The following FOXP2 variants were observed in gnomAD, a reference collection of about 807,000 sequenced individuals.
FOXP2 encodes the protein forkhead box protein P2.
A neutral mutation model predicts 115.8 loss-of-function variants in FOXP2; 12 were observed. That is an observed-to-expected ratio of 0.10 (90% CI 0.07 to 0.17). FOXP2 has a LOEUF of 0.17. Among genes scored for constraint, FOXP2 ranks in the 10% least tolerant of loss-of-function variants. The pLI, the probability that FOXP2 is intolerant of heterozygous loss-of-function variation, is 1.00. For synonymous variants in FOXP2, 328 were observed against 297.7 expected (o/e 1.10, Z -1.05); for missense variants, 629 against 843.5 (o/e 0.75, Z 3.15).
At position 114,575,279 on chromosome 7, in the gene FOXP2, C is replaced by T. The variant is rs1344822212; in HGVS notation, c.258+40573C>T. Among the ~76,000 whole-genome samples, 6 of 151,706 alleles carry T rather than the reference C, an allele frequency of 4.0e-5. 1 individual carries two copies. ...TATGATAACCCTAAAAAGTACTTACCATAATGACTAACACATAGTAAACAT... is the reference window on the plus strand; with the variant it reads ...TATGATAACCCTAAAAAGTACTTACTATAATGACTAACACATAGTAAACAT... On this transcript the variant is annotated intron_variant, in intron 3 of 16. Coordinates refer to ENST00000350908, the MANE Select transcript of FOXP2 (RefSeq NM_014491.4).
intron 1 of FOXP2, among the ~76,000 whole-genome samples, chr7:114,126,165 G>T (rs1258198318): frequency 6.6e-6 from 1 of 152,080 alleles, no homozygotes; most frequent in Non-Finnish European, 1.5e-5. Context: ...CCAGCAGCCT[G>T]TAGGGATATT....
intron 1 of FOXP2, among the ~76,000 whole-genome samples, chr7:114,177,834 G>A (rs1361750368): frequency 2.0e-5 from 3 of 151,796 alleles, no homozygotes; most frequent in East Asian, 1.9e-4. Context: ...TGTTCTCTTA[G>A]CAATTTTCAT....
chr7:114,271,671 A>G (rs1796051131), intron 1 of FOXP2, among the ~76,000 whole-genome samples: 1 of 118,318 alleles, frequency 8.5e-6, no homozygotes, highest in African/African-American at 3.5e-5. Flanking sequence ...TAAATATATT[A>G]TTTAAAATTA....
chr7:114,318,556 T>C (rs2129181131), intron 2 of FOXP2, among the ~76,000 whole-genome samples: 1 of 152,104 alleles, frequency 6.6e-6, no homozygotes, highest in African/African-American at 2.4e-5. Flanking sequence ...AAAATTACTG[T>C]TTCAGGTACA....
intron 2 of FOXP2, among the ~76,000 whole-genome samples, chr7:114,318,001 A>C (rs1022872043): frequency 6.6e-6 from 1 of 151,916 alleles, no homozygotes; most frequent in African/African-American, 2.4e-5. Context: ...TGTCACTTTC[A>C]CCATAAGGGC....
At chr7:114,650,741 C>T (rs1806202345) in intron 8 of FOXP2, among the ~76,000 whole-genome samples, 1 of 151,844 alleles carries the variant, frequency 6.6e-6, no homozygotes, top group South Asian at 2.1e-4. Flanking sequence ...GTGGAAGTGC[C>T]TCCCCTGCAC....
At chr7:114,491,760 C>T (rs1293379396) in intron 2 of FOXP2, among the ~76,000 whole-genome samples, 2 of 152,106 alleles carry the variant, frequency 1.3e-5, no homozygotes. Context: ...AGGGATGAAG[C>T]CCACTTGATC....
intron 1 of FOXP2, among the ~76,000 whole-genome samples, chr7:114,213,615 G>A (rs1794412443): frequency 6.6e-6 from 1 of 151,988 alleles, no homozygotes; most frequent in Admixed American, 6.6e-5. Context: ...ATAGCAATTT[G>A]AATTTGTCAT....
chr7:114,355,623 C>G (rs987514016), intron 2 of FOXP2, among the ~76,000 whole-genome samples: 1 of 151,948 alleles, frequency 6.6e-6, no homozygotes, highest in Non-Finnish European at 1.5e-5. Flanking sequence ...TGCTTCTTAT[C>G]TGTAGCAAGT....
At chr7:114,104,680 A>G (rs1368900506) in intron 1 of FOXP2, among the ~76,000 whole-genome samples, 1 of 152,060 alleles carries the variant, frequency 6.6e-6, no homozygotes, top group Non-Finnish European at 1.5e-5. Flanking sequence ...AGTAAAAGTT[A>G]AAGTAAACTT....
intron 2 of FOXP2, among the ~76,000 whole-genome samples, chr7:114,362,499 TG>T (rs1214356003): frequency 6.6e-6 from 1 of 152,058 alleles, no homozygotes; most frequent in East Asian, 1.9e-4. Flanking sequence ...AAACAACTTA[TG>T]GTTATCCAAG....
At chr7:114,508,410 G>T (rs1290095235) in intron 2 of FOXP2, among the ~76,000 whole-genome samples, 3 of 152,040 alleles carry the variant, frequency 2.0e-5, no homozygotes, top group Admixed American at 2.0e-4. Context: ...GGGGACACAT[G>T]AATGAATAAA....
intron 1 of FOXP2, among the ~76,000 whole-genome samples, chr7:114,099,210 C>A (rs1200068787): frequency 1.3e-5 from 2 of 152,030 alleles, no homozygotes; most frequent in East Asian, 3.9e-4. Flanking sequence ...TAAAAAATAA[C>A]AAGACCCGAA....
At chr7:114,526,174 A>AAC in intron 2 of FOXP2, among the ~76,000 whole-genome samples, 1 of 139,858 alleles carries the variant, frequency 7.2e-6, no homozygotes. Context: ...TTCTTTATTA[A>AAC]AAAAAAAAAA....
chr7:114,538,850 G>A (rs369068285), intron 3 of FOXP2, among the ~76,000 whole-genome samples: 3 of 151,678 alleles, frequency 2.0e-5, no homozygotes, highest in Admixed American at 6.6e-5. Flanking sequence ...TCCAGAAACC[G>A]TGCCTTGGAA....
At chr7:114,397,078 T>C (rs1177835690) in intron 2 of FOXP2, among the ~76,000 whole-genome samples, 2 of 152,110 alleles carry the variant, frequency 1.3e-5, no homozygotes, top group African/African-American at 4.8e-5. Context: ...TTATAGTTCT[T>C]CCATATATTG....
At chr7:114,381,422 G>A (rs1480666414) in intron 2 of FOXP2, among the ~76,000 whole-genome samples, 1 of 152,194 alleles carries the variant, frequency 6.6e-6, no homozygotes, top group African/African-American at 2.4e-5. Context: ...GTCCAGGTAT[G>A]AGAATTGACT....
At chr7:114,298,662 C>T (rs1796802939) in intron 2 of FOXP2, among the ~76,000 whole-genome samples, 1 of 152,152 alleles carries the variant, frequency 6.6e-6, no homozygotes, top group Admixed American at 6.5e-5. Context: ...AGAACTAAGA[C>T]TTGAACTAAG....
intron 2 of FOXP2, among the ~76,000 whole-genome samples, chr7:114,495,223 G>C (rs1271603288): frequency 6.6e-6 from 1 of 152,126 alleles, no homozygotes; most frequent in Admixed American, 6.5e-5. Context: ...GGGTCCAGAG[G>C]CTTGTATATC....
Sources: gnomAD v4.1 joint callset for allele counts (sites outside exome capture counted in the v4.1 genomes callset) on GRCh38, gnomAD v4.1.1 for gene constraint, MANE v1.5 for transcripts, NCBI Gene and HGNC (gene_info 2026-07-23, HGNC 2026-07-21) for gene names.